ANHX: variants seen among roughly 807,000 people sequenced by gnomAD.
ANHX encodes the protein anomalous homeobox, also known as anomalous homeobox protein.
Under a neutral mutation model 38.9 loss-of-function variants are expected in ANHX, and 20 were observed. The observed-to-expected ratio is 0.51, with a 90% CI of 0.36 to 0.75. The LOEUF is 0.75. ANHX is among the 30% of genes least tolerant of loss of function. The pLI, the probability that ANHX is intolerant of heterozygous loss-of-function variation, is 0.00. For missense variants in ANHX, 475 were observed against 493.1 expected (o/e 0.96, Z 0.35); for synonymous variants, 185 against 203.1 (o/e 0.91, Z 0.76).
intron 7 of ANHX, among the ~76,000 whole-genome samples, chr12:133,223,197 A>AT (rs1555306721): frequency 0.012 from 1,755 of 150,916 alleles, 37 homozygotes; most frequent in African/African-American, 0.039. Context: ...CTCAAAAAAA[A>AT]ATATATATAT....
At chr12:133,222,142 C>A (rs1025572253) in intron 7 of ANHX, among the ~76,000 whole-genome samples, 3 of 152,188 alleles carry the variant, frequency 2.0e-5, no homozygotes, top group African/African-American at 4.8e-5. Flanking sequence ...GCTATTTCCT[C>A]TTTCATGCAG....
At position 133,218,623 on chromosome 12, in the gene ANHX, T is replaced by C; in HGVS notation, c.*262A>G. On this transcript the variant is annotated 3_prime_UTR_variant, in exon 10 of 10. Transcript: ENST00000545940. ...GTGCCCCGGAGCCCGACTGATCCAG[T>C]GCTGCGTGAGTGGGACAGACCCACC... The C allele has an allele frequency of 6.3e-6, 2 of 319,408 alleles. No homozygotes were observed. Among genetic ancestry groups the C allele is most frequent in the East Asian group, 1.0e-4 (2 of 19,454 alleles). 19.8% of individuals were successfully genotyped at this position (319,408 alleles called of 1,614,324 possible). A position where few individuals can be genotyped will look rare whatever the true frequency, so the allele number is the denominator to read the frequency against.
intron 8 of ANHX, among the ~76,000 whole-genome samples, chr12:133,220,618 A>T (rs36172736): frequency 0.062 from 9,481 of 152,164 alleles, 985 homozygotes; most frequent in African/African-American, 0.22. Context: ...CTGCTCCTGG[A>T]GGCCCTAGTG....
chr12:133,220,619 G>A (rs959827458), intron 8 of ANHX, among the ~76,000 whole-genome samples: 3 of 152,178 alleles, frequency 2.0e-5, no homozygotes, highest in African/African-American at 7.2e-5. Flanking sequence ...TGCTCCTGGA[G>A]GCCCTAGTGT....
At chr12:133,228,613 A>G (rs983781759) in intron 3 of ANHX, among the ~76,000 whole-genome samples, 1 of 152,116 alleles carries the variant, frequency 6.6e-6, no homozygotes, top group Non-Finnish European at 1.5e-5. Context: ...TCAGAAGAGA[A>G]GCACCACCTG....
chr12:133,219,251 G>A, intron 9 of ANHX, 32 bp downstream of exon 9: 1 of 1,510,370 alleles, frequency 6.6e-7, no homozygotes, highest in Non-Finnish European at 8.9e-7. Context: ...GAGTAAAGAG[G>A]GAATCCTTCA....
At chr12:133,223,281 CAAGAT>C (rs1196318415) in intron 7 of ANHX, among the ~76,000 whole-genome samples, 7 of 151,478 alleles carry the variant, frequency 4.6e-5, no homozygotes. Flanking sequence ...TAAAAAAATA[CAAGAT>C]AAAAGGTAAG....
At chr12:133,235,474 GC>G in intron 1 of ANHX, 1 of 152,268 alleles carries the variant, frequency 6.6e-6, no homozygotes, top group Non-Finnish European at 1.5e-5. Context: ...CCCGCCCATG[GC>G]CCCCAGCCCC....
intron 2 of ANHX, among the ~76,000 whole-genome samples, chr12:133,233,221 C>T (rs894630105): frequency 2.6e-5 from 4 of 152,112 alleles, no homozygotes; most frequent in South Asian, 2.1e-4. Flanking sequence ...GCTCAGGCCC[C>T]GGATCTGGGA....
intron 2 of ANHX, among the ~76,000 whole-genome samples, chr12:133,233,022 T>TAAAGTAGA (rs1459950919): frequency 6.6e-6 from 1 of 152,096 alleles, no homozygotes; most frequent in Non-Finnish European, 1.5e-5. Context: ...GGCTGACATT[T>TAAAGTAGA]AAAGTAGAAA....
chr12:133,225,310 T>TACAC (rs555238401), intron 7 of ANHX, among the ~76,000 whole-genome samples: 20 of 143,902 alleles, frequency 1.4e-4, no homozygotes, highest in African/African-American at 2.5e-4. Context: ...GTGATATGCA[T>TACAC]ACATACACAC....
chr12:133,226,065 C>A (rs1043237014), intron 6 of ANHX, among the ~76,000 whole-genome samples: 2 of 152,150 alleles, frequency 1.3e-5, no homozygotes, highest in Non-Finnish European at 2.9e-5. Flanking sequence ...TCTGTTACCC[C>A]GTTCTCCAAG....
At chr12:133,222,631 A>T (rs1394889840) in intron 7 of ANHX, among the ~76,000 whole-genome samples, 2 of 152,194 alleles carry the variant, frequency 1.3e-5, no homozygotes, top group Non-Finnish European at 2.9e-5. Flanking sequence ...AAAGGACAGC[A>T]AAAAATGGAA....
chr12:133,234,630 A>G lies in ANHX; in HGVS notation c.-22-252T>C, dbSNP rs146240352. ...CTGTGCACCAAGCACTGGGCTGGGT[A>G]CTGTCTGCAACAGCTCCTCCACTGC... On this transcript the variant is annotated intron_variant, in intron 1 of 9. Transcript: ENST00000545940. The G allele has an allele frequency of 4.7e-3, 2,073 of 442,094 alleles. 37 individuals carry two copies. The highest frequency in any genetic ancestry group is 0.035 in the African/African-American group (1,773 of 50,468). 27.4% of individuals were successfully genotyped at this position (442,094 alleles called of 1,614,324 possible).
At chr12:133,229,410 C>T (rs1327837149) in intron 3 of ANHX, among the ~76,000 whole-genome samples, 43 of 152,138 alleles carry the variant, frequency 2.8e-4, no homozygotes, top group Admixed American at 2.8e-3. Context: ...ACTCCATCCC[C>T]CCTCTCCAGA....
chr12:133,224,903 G>T (rs185081472), intron 7 of ANHX, among the ~76,000 whole-genome samples: 7 of 148,832 alleles, frequency 4.7e-5, no homozygotes, highest in African/African-American at 1.7e-4. Flanking sequence ...GGAGGAGGAG[G>T]TTGCAGTGAG....
intron 3 of ANHX, among the ~76,000 whole-genome samples, chr12:133,230,584 C>T (rs746275815): frequency 3.3e-5 from 5 of 152,116 alleles, no homozygotes; most frequent in Non-Finnish European, 7.3e-5. Flanking sequence ...TGAGACCAGC[C>T]TGGGAAATAT....
At chr12:133,226,270 G>A (rs1201438347) in intron 6 of ANHX, 48 bp downstream of exon 6, 1 of 1,535,962 alleles carries the variant, frequency 6.5e-7, no homozygotes, top group East Asian at 2.4e-5. Context: ...GAGGAGGAAA[G>A]GGAACTGAAT....
Position 133,227,828 on chromosome 12 carries a change from T to G in ANHX, c.497A>C (p.Glu166Ala). Residue 166 changes from glutamate to alanine, a missense_variant, in exon 4 of 10, where the codon GAG (glutamate) becomes GCG (alanine). Glu to Ala is a moderately radical substitution (Grantham distance 107). Transcript: ENST00000545940. ...CTGGGTATCTTCTATTCTTACCCTC[T>G]CAGCCTTGCTGGGGTTGGTGTTCAC... is the stretch of plus-strand genomic sequence containing the variant. ...VGVNTNPSKA[E>A]RENLALETSL... 6.5e-7 allele frequency: 1 copy of G among 1,534,836 alleles called. No individual in the cohort carries two copies.
Sources: allele counts gnomAD v4.1 joint callset (sites outside exome capture counted in the v4.1 genomes callset), GRCh38; gene constraint gnomAD v4.1.1; transcripts MANE v1.5; gene names NCBI Gene and HGNC (gene_info 2026-07-23, HGNC 2026-07-21).